The following MYO5B variants were observed in gnomAD, a reference collection of about 807,000 sequenced individuals.
The protein encoded by MYO5B is myosin VB.
MYO5B carries 143 observed loss-of-function variants against 229.3 expected under a neutral mutation model. The ratio of observed to expected loss-of-function variants is 0.62; its 90% CI spans 0.54 to 0.72. The LOEUF is 0.72. Among genes scored for constraint, MYO5B ranks in the 30% least tolerant of loss-of-function variants. MYO5B has a pLI of 0.00. For missense variants in MYO5B, 2,321 were observed against 2,331.0 expected, an observed-to-expected ratio of 1.00 and a Z score of 0.09; for synonymous variants, 918 against 885.2, an observed-to-expected ratio of 1.04 and a Z score of -0.66.
chr18:50,079,418 G>C (rs958391660), intron 1 of MYO5B, among the ~76,000 whole-genome samples: 2 of 152,154 alleles, frequency 1.3e-5, no homozygotes, highest in Admixed American at 6.5e-5. Flanking sequence ...ATGGGGATGA[G>C]AGCATCCACC....
chr18:50,093,109 T>C (rs1311587530), intron 1 of MYO5B, among the ~76,000 whole-genome samples: 4 of 152,032 alleles, frequency 2.6e-5, no homozygotes, highest in Non-Finnish European at 5.9e-5. Flanking sequence ...CATGAAAAGA[T>C]GCTCAACTTC....
At chr18:49,917,794 C>T (rs2025033062) in intron 17 of MYO5B, among the ~76,000 whole-genome samples, 1 of 152,202 alleles carries the variant, frequency 6.6e-6, no homozygotes, top group African/African-American at 2.4e-5. Context: ...GCTGAGCATT[C>T]TGGACTTCAG....
At position 49,836,825 on chromosome 18, in the gene MYO5B, T is replaced by C. The variant is rs758646630; in HGVS notation, c.5199A>G (p.Ala1733=). ...GGATCAGAGGTTCCATGGTCTGAAC[T>C]GCTCCACTCTGGTGAAGGTTTCTTC... The part of the protein sequence containing the change: ...LRGRNLHQSG[A]VQTMEPLIQA... Residue 1733 remains alanine (A), a synonymous_variant, in exon 38 of 40, where the codon GCA becomes GCG. Transcript: ENST00000285039. The C allele has an allele frequency of 6.2e-7, 1 of 1,614,216 alleles. No homozygotes were observed. Among genetic ancestry groups the C allele is most frequent in the Non-Finnish European group, 8.5e-7 (1 of 1,180,032 alleles).
At chr18:50,018,877 G>A (rs2144355075) in intron 4 of MYO5B, among the ~76,000 whole-genome samples, 1 of 152,302 alleles carries the variant, frequency 6.6e-6, no homozygotes, top group South Asian at 2.1e-4. Context: ...GAAGGGAGGA[G>A]GGGAAGAAAA....
intron 27 of MYO5B, among the ~76,000 whole-genome samples, chr18:49,865,756 C>A (rs1380836283): frequency 6.6e-6 from 1 of 152,208 alleles, no homozygotes; most frequent in Non-Finnish European, 1.5e-5. Context: ...ACAGCCACGC[C>A]AGGCCCTACT....
chr18:50,151,569 G>A (rs2144304218), intron 1 of MYO5B, among the ~76,000 whole-genome samples: 1 of 152,300 alleles, frequency 6.6e-6, no homozygotes, highest in Admixed American at 6.5e-5. Flanking sequence ...GGCTCTAAGA[G>A]TTTCATCACT....
At chr18:50,179,495 T>A (rs2033043001) in intron 1 of MYO5B, among the ~76,000 whole-genome samples, 2 of 152,122 alleles carry the variant, frequency 1.3e-5, no homozygotes, top group South Asian at 4.1e-4. Flanking sequence ...TACAAAAGCT[T>A]CAGAGCTTGG....
chr18:49,981,833 T>C (rs1170004266), intron 8 of MYO5B, among the ~76,000 whole-genome samples: 1 of 152,182 alleles, frequency 6.6e-6, no homozygotes, highest in African/African-American at 2.4e-5. Context: ...TCCATCTTGG[T>C]TCAGCATAAC....
chr18:50,069,134 C>T (rs1050325140), intron 1 of MYO5B, among the ~76,000 whole-genome samples: 2 of 151,762 alleles, frequency 1.3e-5, no homozygotes, highest in African/African-American at 4.8e-5. Context: ...GTCCTGGGTG[C>T]AAGTAGGAAA....
At chr18:50,035,042 A>C (rs570967103) in intron 4 of MYO5B, among the ~76,000 whole-genome samples, 1 of 152,322 alleles carries the variant, frequency 6.6e-6, no homozygotes, top group South Asian at 2.1e-4. Flanking sequence ...CCTCTTCCCC[A>C]TAATGGGTGC....
chr18:49,936,548 T>G (rs2025252422), intron 15 of MYO5B, among the ~76,000 whole-genome samples, 199 bp from the exon 16 acceptor site: 1 of 152,186 alleles, frequency 6.6e-6, no homozygotes, highest in Non-Finnish European at 1.5e-5. Flanking sequence ...AAGTCCTTCC[T>G]ATTTAAGGGT....
intron 21 of MYO5B, among the ~76,000 whole-genome samples, chr18:49,899,919 C>CT (rs1355766870): frequency 2.2e-4 from 23 of 104,964 alleles, no homozygotes; most frequent in African/African-American, 7.1e-4. Context: ...AGGCAAAAAG[C>CT]TTTTTTTATT....
At chr18:50,102,883 T>C (rs1203601154) in intron 1 of MYO5B, among the ~76,000 whole-genome samples, 1 of 152,006 alleles carries the variant, frequency 6.6e-6, no homozygotes, top group Non-Finnish European at 1.5e-5. Context: ...CATAAGAGAC[T>C]TTTCTGCCCT....
chr18:49,904,811 C>T lies in MYO5B; in HGVS notation c.2432G>A (p.Arg811Gln), dbSNP rs772254605. The change falls in exon 20 of 40, where the codon CGG becomes CAG. Residue 811 changes from arginine (R) to glutamine (Q), a missense_variant. By Grantham distance (43) the Arg-to-Gln change is conservative. This residue lies in a region of MYO5B where 2,113 missense variants were observed against 2,044.7 expected (regional missense o/e 1.03). Coordinates refer to ENST00000285039, the MANE Select transcript of MYO5B (RefSeq NM_001080467.3). ...GAGCACCACAGCCGCTCTGATCCTC[C>T]GCAGGTGCTCAGCCAGCCTGGGGAG... The part of the protein sequence containing the change: ...HLARRLAEHL[R>Q]RIRAAVVLQK... 1.5e-5 allele frequency: 24 copies of T among 1,613,752 alleles called. No individual in the cohort carries two copies. Among genetic ancestry groups the T allele is most frequent in the Middle Eastern group, 3.3e-4 (2 of 6,084 alleles).
intron 5 of MYO5B, 101 bp downstream of exon 5, chr18:50,001,154 G>A: frequency 6.9e-7 from 1 of 1,443,510 alleles, no homozygotes; most frequent in Non-Finnish European, 9.7e-7. Context: ...GGGCTCTCAG[G>A]GAGAGGCGTG....
chr18:50,130,803 C>G (rs771122435), intron 1 of MYO5B, among the ~76,000 whole-genome samples: 1 of 152,156 alleles, frequency 6.6e-6, no homozygotes, highest in Non-Finnish European at 1.5e-5. Flanking sequence ...TTTTACAAAA[C>G]GACTGTGATG....
rs17659034 is a variant in MYO5B, at chr18:49,962,648, T to C, written c.1405-242A>G. On this transcript the variant is annotated intron_variant, in intron 11 of 39. Coordinates refer to ENST00000285039, the MANE Select transcript of MYO5B (RefSeq NM_001080467.3). ...CCTGAGTTGCCGTATTCCCATTCAA[T>C]CACAGGAAGCCCCATATCTGGCTTG... Among the ~76,000 whole-genome samples, 50,974 of 151,962 alleles carry C rather than the reference T, an allele frequency of 0.34. 9,225 individuals are homozygous for C. The highest frequency in any genetic ancestry group is 0.52 in the South Asian group (2,493 of 4,808).
chr18:49,966,998 T>C (rs1406227881), intron 10 of MYO5B, among the ~76,000 whole-genome samples: 1 of 152,206 alleles, frequency 6.6e-6, no homozygotes, highest in African/African-American at 2.4e-5. Context: ...AATCAATTTA[T>C]AGTTCACAAC....
At chr18:49,836,996 TCA>T in intron 37 of MYO5B, 111 bp from the exon 38 acceptor site, 7 of 1,060,018 alleles carry the variant, frequency 6.6e-6, no homozygotes, top group Non-Finnish European at 8.5e-6. Flanking sequence ...ATTATTTATC[TCA>T]CACGGTTAAA....
Sources: allele counts gnomAD v4.1 joint callset (sites outside exome capture counted in the v4.1 genomes callset), GRCh38; gene constraint gnomAD v4.1.1; regional missense constraint gnomAD v4.1.1; transcripts MANE v1.5; gene names NCBI Gene and HGNC (gene_info 2026-07-23, HGNC 2026-07-21).